PCDH15: variants seen among roughly 807,000 people sequenced by gnomAD.
The protein encoded by PCDH15 is protocadherin related 15, also known as protocadherin-15.
PCDH15 carries 129 observed loss-of-function variants against 178.5 expected under a neutral mutation model. The ratio of observed to expected loss-of-function variants is 0.72; its 90% confidence interval spans 0.63 to 0.84. PCDH15 has a LOEUF of 0.84. Among genes scored for constraint, PCDH15 ranks in the 40% least tolerant of loss-of-function variants. The pLI is 0.00. For synonymous variants in PCDH15, 800 were observed against 732.0 expected, an observed-to-expected ratio of 1.09 and a Z score of -1.50; for missense variants, 2,230 against 2,099.9, an observed-to-expected ratio of 1.06 and a Z score of -1.21.
intron 1 of PCDH15, among the ~76,000 whole-genome samples, chr10:54,719,085 A>G (rs67071300): frequency 0.12 from 18,565 of 152,016 alleles, 1,271 homozygotes; most frequent in African/African-American, 0.17. Flanking sequence ...AAGAAGCTCA[A>G]TGAAATCCAA....
intron 1 of PCDH15, among the ~76,000 whole-genome samples, chr10:55,316,684 C>G (rs559572112): frequency 8.5e-5 from 13 of 152,160 alleles, no homozygotes; most frequent in African/African-American, 3.1e-4. Flanking sequence ...ATTCATTTTT[C>G]TAAATTTTGT....
chr10:54,850,775 G>A lies in PCDH15; in HGVS notation c.-29+46675C>T, dbSNP rs73256025. Among the ~76,000 whole-genome samples the A allele has an allele frequency of 3.7e-3, 566 of 152,158 alleles. 1 individual carries two copies. The highest frequency in any genetic ancestry group is 0.013 in the African/African-American group (545 of 41,524). On this transcript the variant is annotated intron_variant, in intron 3 of 5. Coordinates refer to the PCDH15 transcript ENST00000458638. ...AATCACATATGCTACTTGAGAGTTT[G>A]CCAAATTATAATGTAAGTAATTACA...
intron 3 of PCDH15, among the ~76,000 whole-genome samples, chr10:54,488,970 T>C (rs1048812623): frequency 4.6e-5 from 7 of 152,036 alleles, no homozygotes; most frequent in African/African-American, 1.7e-4. Context: ...ACTATTTCTA[T>C]TGAAATAATA....
At chr10:54,832,141 A>G (rs547152436) in intron 3 of PCDH15, among the ~76,000 whole-genome samples, 3 of 152,172 alleles carry the variant, frequency 2.0e-5, no homozygotes, top group Admixed American at 6.6e-5. Flanking sequence ...AGATGGGCTC[A>G]TGAAAAACCT....
chr10:54,080,362 G>A (rs1354056113), intron 16 of PCDH15, among the ~76,000 whole-genome samples: 1 of 151,900 alleles, frequency 6.6e-6, no homozygotes. Context: ...TAACAGTTTG[G>A]CTTGCTCTCT....
chr10:54,725,478 A>T (rs1942344620), intron 1 of PCDH15, among the ~76,000 whole-genome samples: 1 of 146,492 alleles, frequency 6.8e-6, no homozygotes, highest in Admixed American at 7.0e-5. Context: ...GAAGTCTGAG[A>T]CGAGTCTGTG....
intron 2 of PCDH15, among the ~76,000 whole-genome samples, chr10:55,542,115 C>A (rs1216189411): frequency 6.6e-6 from 1 of 151,388 alleles, no homozygotes; most frequent in East Asian, 1.9e-4. Context: ...GAACCTATAA[C>A]CACAAAGAAA....
chr10:54,148,576 G>A (rs1026320018), intron 14 of PCDH15, among the ~76,000 whole-genome samples: 7 of 151,996 alleles, frequency 4.6e-5, no homozygotes, highest in African/African-American at 1.4e-4. Context: ...TGTGGAAGCC[G>A]TGGATATGGA....
At chr10:54,847,619 A>G (rs1346793607) in intron 3 of PCDH15, among the ~76,000 whole-genome samples, 2 of 152,146 alleles carry the variant, frequency 1.3e-5, no homozygotes, top group African/African-American at 4.8e-5. Context: ...ACACTTCAGG[A>G]CATTGTTTTA....
At chr10:54,799,090 C>T (rs1564502977) in intron 1 of PCDH15, among the ~76,000 whole-genome samples, 1 of 152,066 alleles carries the variant, frequency 6.6e-6, no homozygotes, top group East Asian at 1.9e-4. Context: ...ATTAATTCCT[C>T]AACATGTATT....
rs2044710188 is a variant in PCDH15 at position 54,153,138 on chromosome 10, C to T, written c.1746G>A (p.Thr582=). Residue 582 remains threonine, a synonymous_variant, in exon 14 of 38, where the codon ACG becomes ACA. Coordinates refer to ENST00000644397, the MANE Select transcript of PCDH15 (RefSeq NM_001384140.1). ...EMIVGRTYAL[T]VQAADNAPPA... is the part of the protein sequence containing the mutation. ...GAGGAGCATTATCCGCTGCTTGGAC[C>T]GTGAGTGCGTAAGTCCGCCCGACTA... is the stretch of plus-strand genomic sequence containing the variant. 6.8e-6 allele frequency: 11 copies of T among 1,613,696 alleles called. No individual in the cohort carries two copies. Among genetic ancestry groups the T allele is most frequent in the South Asian group, 6.6e-5 (6 of 91,088 alleles).
intron 2 of PCDH15, among the ~76,000 whole-genome samples, chr10:54,627,567 C>G (rs2134604236): frequency 6.6e-6 from 1 of 152,314 alleles, no homozygotes; most frequent in East Asian, 1.9e-4. Flanking sequence ...CCATGTGGAA[C>G]TGTGAGTTTT....
chr10:54,623,565 T>C (rs564837720), intron 2 of PCDH15, among the ~76,000 whole-genome samples: 2 of 152,236 alleles, frequency 1.3e-5, no homozygotes, highest in African/African-American at 4.8e-5. Flanking sequence ...AATTCTTAAT[T>C]AGTAGAGACA....
chr10:54,356,985 A>G (rs1048986678), intron 5 of PCDH15, among the ~76,000 whole-genome samples: 1 of 152,184 alleles, frequency 6.6e-6, no homozygotes, highest in East Asian at 1.9e-4. Context: ...AAATCTCAAT[A>G]AATTAGGTAT....
At chr10:53,856,587 A>G (rs2078759888) in intron 28 of PCDH15, among the ~76,000 whole-genome samples, 1 of 152,146 alleles carries the variant, frequency 6.6e-6, no homozygotes, top group Admixed American at 6.6e-5. Context: ...AATTGGAGCC[A>G]CAAAATCAAG....
intron 2 of PCDH15, among the ~76,000 whole-genome samples, chr10:55,615,741 T>C (rs1450652731): frequency 1.3e-5 from 2 of 152,080 alleles, no homozygotes; most frequent in African/African-American, 4.8e-5. Context: ...ATGCCAGTCA[T>C]AGTGGCTGGC....
intron 2 of PCDH15, among the ~76,000 whole-genome samples, chr10:54,605,078 A>G (rs1295929399): frequency 6.6e-6 from 1 of 151,848 alleles, no homozygotes; most frequent in East Asian, 1.9e-4. Context: ...ATCAGAATTT[A>G]CATATCTTAA....
intron 20 of PCDH15, among the ~76,000 whole-genome samples, chr10:54,005,389 G>A (rs977529291): frequency 7.2e-5 from 11 of 152,020 alleles, no homozygotes; most frequent in African/African-American, 1.2e-4. Context: ...CAGGGTGAGC[G>A]CAAATATTTG....
intron 1 of PCDH15, among the ~76,000 whole-genome samples, chr10:55,243,878 G>T (rs1214112643): frequency 6.6e-6 from 1 of 152,022 alleles, no homozygotes; most frequent in Non-Finnish European, 1.5e-5. Context: ...CTCTCTGAAT[G>T]CTAAATGTGA....
Sources: allele counts gnomAD v4.1 joint callset (sites outside exome capture counted in the v4.1 genomes callset), GRCh38; gene constraint gnomAD v4.1.1; transcripts MANE v1.5; gene names NCBI Gene and HGNC (gene_info 2026-07-23, HGNC 2026-07-21).